The following ADGRG5 variants were observed in gnomAD, a reference collection of about 807,000 sequenced individuals.
ADGRG5 encodes G protein-coupled receptor 114.
In ADGRG5, 37 loss-of-function variants were observed where a neutral mutation model predicts 53.2. That is an observed-to-expected ratio of 0.70 (90% CI 0.53 to 0.91). The LOEUF is 0.91. Ranked by LOEUF, ADGRG5 falls within the 40% of genes least tolerant of loss-of-function variation. The pLI is 0.00. For missense variants in ADGRG5, 614 were observed against 675.8 expected, an observed-to-expected ratio of 0.91 and a Z score of 1.01; for synonymous variants, 277 against 290.4, an observed-to-expected ratio of 0.95 and a Z score of 0.47.
At chr16:57,560,356 T>C (rs2032972702) in intron 1 of ADGRG5, among the ~76,000 whole-genome samples, 1 of 152,238 alleles carries the variant, frequency 6.6e-6, no homozygotes, top group Non-Finnish European at 1.5e-5. Context: ...TCAGTAATCC[T>C]TGGTTGACCA....
At chr16:57,551,911 G>A (rs1363370282) in intron 1 of ADGRG5, among the ~76,000 whole-genome samples, 1 of 152,216 alleles carries the variant, frequency 6.6e-6, no homozygotes, top group Non-Finnish European at 1.5e-5. Context: ...TCCATGGGCT[G>A]CAGAATGGAT....
rs2033161825 is a variant in ADGRG5 at position 57,567,363 on chromosome 16, G to A, written c.700-107G>A. ...TCAAGCCAGGTCCATGGCTAGGCTT[G>A]TGGGGAAGGGGACTTGGAGAGGAGG... is the stretch of plus-strand genomic sequence containing the variant. On this transcript the variant is annotated intron_variant, in intron 7 of 11. Coordinates refer to ENST00000349457, the MANE Select transcript of ADGRG5 (RefSeq NM_001304376.3). The A allele has an allele frequency of 3.8e-6, 5 of 1,309,554 alleles. No homozygotes were observed. In the Admixed American group the frequency reaches 6.3e-5, roughly 17 times the overall value. 81.1% of individuals were successfully genotyped at this position (1,309,554 alleles called of 1,614,324 possible).
chr16:57,557,859 G>A (rs564555628), intron 1 of ADGRG5, among the ~76,000 whole-genome samples: 25 of 152,122 alleles, frequency 1.6e-4, no homozygotes, highest in Non-Finnish European at 2.1e-4. Flanking sequence ...GAAATTTCCC[G>A]TCTGTTCTTA....
intron 1 of ADGRG5, among the ~76,000 whole-genome samples, chr16:57,560,576 G>T (rs1243253883): frequency 6.6e-6 from 1 of 152,184 alleles, no homozygotes; most frequent in African/African-American, 2.4e-5. Context: ...GAATCTGAGT[G>T]GGGGAGGATG....
chr16:57,563,807 A>G, intron 4 of ADGRG5, 41 bp from the exon 5 acceptor site: 1 of 1,611,730 alleles, frequency 6.2e-7, no homozygotes, highest in Non-Finnish European at 8.5e-7. Context: ...TCAGGTCTCC[A>G]GGTCCTGGTT....
Position 57,563,871 on chromosome 16 carries a change from T to A in ADGRG5, c.321T>A (p.Gly107=). 1 of 1,613,526 alleles carries A rather than the reference T, an allele frequency of 6.2e-7. No homozygotes were observed. Among genetic ancestry groups the A allele is most frequent in the Non-Finnish European group, 8.5e-7 (1 of 1,179,876 alleles). The part of the protein sequence containing the change: ...VPQAGGQHAR[G]QHAMQFPAEL... ...AGGCAGGAGGTCAGCATGCCCGGGGTCAGCACGCCATGCAGTTCCCCGCCG... is the reference window on the plus strand; with the variant it reads ...AGGCAGGAGGTCAGCATGCCCGGGGACAGCACGCCATGCAGTTCCCCGCCG... Residue 107 remains glycine, a synonymous_variant, in exon 5 of 12, where the codon GGT becomes GGA. Coordinates refer to ENST00000349457, the MANE Select transcript of ADGRG5 (RefSeq NM_001304376.3).
At chr16:57,556,860 A>G (rs1407219162) in intron 1 of ADGRG5, among the ~76,000 whole-genome samples, 4 of 150,508 alleles carry the variant, frequency 2.7e-5, no homozygotes, top group Admixed American at 2.0e-4. Context: ...CTGGCAATGA[A>G]TTCTCAAACT....
chr16:57,539,905 G>A (rs1175159080), upstream of ADGRG5, among the ~76,000 whole-genome samples: 3 of 152,080 alleles, frequency 2.0e-5, no homozygotes, highest in African/African-American at 7.2e-5. Flanking sequence ...GAAAAATGGG[G>A]AAAAATAAGG....
chr16:57,547,892 C>A (rs77509705), intron 1 of ADGRG5, among the ~76,000 whole-genome samples: 5,028 of 152,230 alleles, frequency 0.033, 260 homozygotes, highest in African/African-American at 0.11. Context: ...TAGGATTACA[C>A]GTGTGCCAAC....
At position 57,574,784 on chromosome 16, in the gene ADGRG5, T is replaced by A; in HGVS notation, c.1209-31T>A. The A allele has an allele frequency of 6.5e-7, 1 of 1,538,014 alleles. No individual in the cohort carries two copies. The highest frequency in any genetic ancestry group is 8.8e-7 in the Non-Finnish European group (1 of 1,141,900). On this transcript the variant is annotated intron_variant, in intron 10 of 11. Transcript: ENST00000349457. The surrounding 1 kb of genome is among the most constrained non-coding windows in gnomAD (Gnocchi z 4.4). ...GCCTCCCCGCGGGCCTGGGAGCCAC[T>A]GTGAGCCTGACACGTCACCCTCCCC... is the stretch of plus-strand genomic sequence containing the variant.
rs1461859330 is a variant in ADGRG5, at chr16:57,576,565, C to T, written c.*1027C>T. The T allele has an allele frequency of 6.6e-6, 1 of 152,150 alleles. No individual in the cohort carries two copies. The highest frequency in any genetic ancestry group is 1.5e-5 in the Non-Finnish European group (1 of 68,062). 9.4% of individuals were successfully genotyped at this position (152,150 alleles called of 1,614,324 possible). A position where few individuals can be genotyped will look rare whatever the true frequency, so the allele number is the denominator to read the frequency against. On this transcript the variant is annotated 3_prime_UTR_variant, in exon 12 of 12. Transcript: ENST00000349457. ...TCCCAGAACGAACACTAGGCGGCAC[C>T]GTTGGTCCACACTCAGAGGCCCTTG...
At position 57,562,157 on chromosome 16, in the gene ADGRG5, G is replaced by A. The variant is rs1372260209; in HGVS notation, c.64G>A (p.Glu22Lys). 1.3e-6 allele frequency: 2 copies of A among 1,599,544 alleles called. No individual in the cohort carries two copies. Among genetic ancestry groups the A allele is most frequent in the Non-Finnish European group, 8.5e-7 (1 of 1,170,466 alleles). The change falls in exon 2 of 12, where the codon GAG becomes AAG. Residue 22 changes from glutamate to lysine, a missense_variant and splice_region_variant. Physicochemically the swap from Glu to Lys is moderately conservative, Grantham distance 56 (BLOSUM62 1). Coordinates refer to ENST00000349457, the MANE Select transcript of ADGRG5 (RefSeq NM_001304376.3). The part of the protein sequence containing the change: ...CLLTLQNATT[E>K]TWEELLSYME... ...TCTGACTTTGCAGAATGCAACAACAGGTAAGGGGGCTCTGCTGAACTGGGG... is the reference window on the plus strand; with the variant it reads ...TCTGACTTTGCAGAATGCAACAACAAGTAAGGGGGCTCTGCTGAACTGGGG...
intron 7 of ADGRG5, 152 bp downstream of exon 7, chr16:57,566,903 G>A: frequency 1.5e-6 from 1 of 656,752 alleles, no homozygotes; most frequent in Non-Finnish European, 2.3e-6. Context: ...CATGTTTCTG[G>A]AAAGGCTGGG....
Position 57,546,235 on chromosome 16 carries a change from C to T in ADGRG5, c.-39+3534C>T, listed in dbSNP as rs550737697. 2.6e-5 allele frequency among the ~76,000 whole-genome samples: 4 copies of T among 152,314 alleles called. No individual in the cohort carries two copies. The South Asian group carries it at 6.2e-4, about 24-fold the overall frequency. On this transcript the variant is annotated intron_variant, in intron 1 of 11. Coordinates refer to ENST00000349457, the MANE Select transcript of ADGRG5 (RefSeq NM_001304376.3). ...AACTCCTGGGCTCACGTGATCCTCT[C>T]ACCTCAGCATCCCAAGCAGCTGAAA...
intron 1 of ADGRG5, among the ~76,000 whole-genome samples, chr16:57,560,673 T>C (rs555368991): frequency 5.5e-4 from 83 of 152,256 alleles, no homozygotes; most frequent in African/African-American, 1.8e-3. Flanking sequence ...TGGAGCAGGA[T>C]TGGGGATGGT....
intron 4 of ADGRG5, 95 bp from the exon 5 acceptor site, chr16:57,563,753 A>C: frequency 6.6e-7 from 1 of 1,513,690 alleles, no homozygotes; most frequent in Non-Finnish European, 9.1e-7. Flanking sequence ...TGGAAACCCC[A>C]AGGAAGGTTT....
At chr16:57,551,352 C>T (rs1248422816) in intron 1 of ADGRG5, among the ~76,000 whole-genome samples, 2 of 152,160 alleles carry the variant, frequency 1.3e-5, no homozygotes, top group South Asian at 2.1e-4. Flanking sequence ...ATTTTACTCA[C>T]GGTAGAGCTT....
chr16:57,564,820 G>T (rs993924145), intron 5 of ADGRG5, among the ~76,000 whole-genome samples: 3 of 152,146 alleles, frequency 2.0e-5, no homozygotes, highest in Non-Finnish European at 1.5e-5. Flanking sequence ...GGTGGAGCAG[G>T]GGGTGGTGAG....
At chr16:57,536,390 C>G in the ADGRG5 span, 1 of 152,330 alleles carries the variant, frequency 6.6e-6, no homozygotes, top group Non-Finnish European at 1.5e-5. Flanking sequence ...GTCTGCTCCT[C>G]CAGCACGCCC....
Sources: gnomAD v4.1 joint callset for allele counts (sites outside exome capture counted in the v4.1 genomes callset) on GRCh38, gnomAD v4.1.1 for gene constraint, Gnocchi (gnomAD v3.1) non-coding constraint, MANE v1.5 for transcripts, NCBI Gene and HGNC (gene_info 2026-07-23, HGNC 2026-07-21) for gene names.